The following MCM8 variants were observed in gnomAD, a reference collection of about 807,000 sequenced individuals.
MCM8 encodes minichromosome maintenance 8 homologous recombination repair factor.
A neutral mutation model predicts 98.9 loss-of-function variants in MCM8; 85 were observed. That is an observed-to-expected ratio of 0.86 (90% CI 0.72 to 1.03). The LOEUF is 1.03. MCM8 is among the 50% of genes least tolerant of loss of function. The pLI is 0.00. For missense variants in MCM8, 951 were observed against 997.8 expected, an observed-to-expected ratio of 0.95 and a Z score of 0.63; for synonymous variants, 352 against 338.6, an observed-to-expected ratio of 1.04 and a Z score of -0.44.
At chr20:5,974,667 C>T (rs1745576875) in intron 12 of MCM8, among the ~76,000 whole-genome samples, 1 of 152,190 alleles carries the variant, frequency 6.6e-6, no homozygotes, top group African/African-American at 2.4e-5. Context: ...ATGTGTACAA[C>T]AGTCCACAGA....
In MCM8 at chr20:5,967,930, G is replaced by T; in HGVS notation, c.1128G>T (p.Gly376=). The T allele has an allele frequency of 1.2e-6, 2 of 1,614,118 alleles. No homozygotes were observed. The highest frequency in any genetic ancestry group is 1.3e-5 in the African/African-American group (1 of 75,064). Residue 376 remains glycine (G), a synonymous_variant, in exon 10 of 19, where the codon GGG becomes GGT. Transcript: ENST00000610722. ...AGAAAACAAAGAGTTCTGAGGATGG[G>T]TGTAAGCATGGAATGTTGATGGAGT... is the stretch of plus-strand genomic sequence containing the variant. ...KGQKTKSSED[G]CKHGMLMEFS...
intron 17 of MCM8, among the ~76,000 whole-genome samples, chr20:5,989,705 C>A (rs1038147608): frequency 5.3e-5 from 8 of 152,188 alleles, no homozygotes; most frequent in African/African-American, 1.4e-4. Flanking sequence ...TCCCTGGAGG[C>A]TGCTGTCTTC....
intron 10 of MCM8, among the ~76,000 whole-genome samples, chr20:5,970,155 A>G (rs2089372058): frequency 6.6e-6 from 1 of 152,196 alleles, no homozygotes; most frequent in African/African-American, 2.4e-5. Flanking sequence ...TACTTACATT[A>G]CTGTTCACAG....
intron 8 of MCM8, among the ~76,000 whole-genome samples, chr20:5,966,683 C>G (rs2089281817): frequency 1.3e-5 from 2 of 152,168 alleles, no homozygotes; most frequent in African/African-American, 4.8e-5. Flanking sequence ...GACTTTACCT[C>G]TAAATACAAA....
In MCM8 at chr20:5,968,029, T is replaced by C; in HGVS notation, c.1223+4T>C. The C allele has an allele frequency of 1.3e-6, 2 of 1,594,754 alleles. No homozygotes were observed. Among genetic ancestry groups the C allele is most frequent in the South Asian group, 1.1e-5 (1 of 87,874 alleles). ...ACCTGTTTAAACTCATTGTCAAGTATGTATGCTGTCATTTGAAATTTTATT... is the reference window on the plus strand; with the variant it reads ...ACCTGTTTAAACTCATTGTCAAGTACGTATGCTGTCATTTGAAATTTTATT... On this transcript the variant is annotated splice_donor_region_variant and intron_variant, in intron 10 of 18. Coordinates refer to ENST00000610722, the MANE Select transcript of MCM8 (RefSeq NM_032485.6).
At chr20:5,958,485 A>G (rs766785156) in intron 6 of MCM8, 43 bp from the exon 7 acceptor site, 17 of 1,523,670 alleles carry the variant, frequency 1.1e-5, no homozygotes, top group Admixed American at 9.1e-5. Flanking sequence ...GAAAATATAA[A>G]AAACATCAAT....
chr20:5,987,895 G>A (rs1338578278), intron 17 of MCM8, among the ~76,000 whole-genome samples: 1 of 152,102 alleles, frequency 6.6e-6, no homozygotes, highest in African/African-American at 2.4e-5. Flanking sequence ...GTGCACCTAC[G>A]TGATAAATTC....
chr20:5,991,061 C>G (rs1296513378), intron 17 of MCM8: 2 of 152,246 alleles, frequency 1.3e-5, no homozygotes, highest in African/African-American at 2.4e-5. Context: ...CTCCTTTTCT[C>G]TCTTAACCTG....
chr20:5,990,421 A>G (rs890630572), intron 17 of MCM8, among the ~76,000 whole-genome samples: 25 of 152,166 alleles, frequency 1.6e-4, no homozygotes, highest in African/African-American at 2.4e-5. Flanking sequence ...TATGTGATTC[A>G]GTACTAGGGT....
chr20:5,952,579 T>C (rs758131887), intron 3 of MCM8, 51 bp downstream of exon 3: 1 of 1,414,704 alleles, frequency 7.1e-7, no homozygotes, highest in South Asian at 1.2e-5. Context: ...TTTCTTAACT[T>C]GTCTTTGGAT....
intron 16 of MCM8, among the ~76,000 whole-genome samples, chr20:5,986,489 T>C (rs1173513817): frequency 2.0e-5 from 3 of 152,340 alleles, no homozygotes; most frequent in East Asian, 1.9e-4. Flanking sequence ...TTGAGTATTT[T>C]ATTTTTTTAC....
chr20:5,966,462 G>A (rs1600262081), intron 8 of MCM8, among the ~76,000 whole-genome samples: 1 of 151,726 alleles, frequency 6.6e-6, no homozygotes, highest in Non-Finnish European at 1.5e-5. Flanking sequence ...TCTTGATTTT[G>A]TACTTGTTTC....
intron 13 of MCM8, among the ~76,000 whole-genome samples, chr20:5,981,655 T>C (rs566865701): frequency 8.2e-4 from 125 of 152,324 alleles, no homozygotes; most frequent in Non-Finnish European, 1.8e-4. Context: ...GCAGCCGTTA[T>C]TATACATGAG....
In MCM8 at chr20:5,962,666, G is replaced by A. The variant is rs543180763; in HGVS notation, c.790-608G>A. On this transcript the variant is annotated intron_variant, in intron 7 of 18. Transcript: ENST00000610722. ...TGGGATTACAGGCGTGAGCCACCGC[G>A]CCCGGCCTTCATTTCTTAATGGAGG... 1.2e-4 allele frequency among the ~76,000 whole-genome samples: 8 copies of A among 68,570 alleles called. 2 individuals carry two copies. The East Asian group carries it at 3.4e-3, about 29-fold the overall frequency. 45.0% of individuals were successfully genotyped at this position (68,570 alleles called of 152,430 possible). A position where few individuals can be genotyped will look rare whatever the true frequency, so the allele number is the denominator to read the frequency against.
At chr20:5,959,315 T>A (rs2122675928) in intron 7 of MCM8, among the ~76,000 whole-genome samples, 1 of 152,360 alleles carries the variant, frequency 6.6e-6, no homozygotes, top group South Asian at 2.1e-4. Flanking sequence ...GTTCTCAGTT[T>A]TATTCCCTTT....
intron 4 of MCM8, among the ~76,000 whole-genome samples, 194 bp downstream of exon 4, chr20:5,954,884 T>C (rs1056856830): frequency 5.3e-5 from 8 of 152,334 alleles, no homozygotes; most frequent in African/African-American, 1.9e-4. Flanking sequence ...GAGATAGAGG[T>C]ATAAATACCT....
intron 8 of MCM8, among the ~76,000 whole-genome samples, chr20:5,964,119 CTTTT>C (rs11478703): frequency 1.7e-4 from 21 of 123,994 alleles, no homozygotes; most frequent in African/African-American, 4.1e-4. Flanking sequence ...TTTTTAATAG[CTTTT>C]TTTTTTTTTT....
chr20:5,958,584 G>C lies in MCM8; in HGVS notation c.647G>C (p.Gly216Ala). The C allele has an allele frequency of 1.2e-6, 2 of 1,614,080 alleles. No individual in the cohort carries two copies. The highest frequency in any genetic ancestry group is 1.7e-6 in the Non-Finnish European group (2 of 1,180,000). ...AAGAATGTCAGAGCAAATTACTATG[G>C]AAAATACATTGCTCTAAGAGGGACA... ...QLKNVRANYY[G>A]KYIALRGTVV... The change falls in exon 7 of 19, where the codon GGA (glycine) becomes GCA (alanine). Residue 216 changes from glycine (G) to alanine (A), a missense_variant. Transcript: ENST00000610722.
At chr20:5,955,927 C>T (rs913390403) in intron 5 of MCM8, among the ~76,000 whole-genome samples, 1 of 152,006 alleles carries the variant, frequency 6.6e-6, no homozygotes, top group Non-Finnish European at 1.5e-5. Flanking sequence ...CACCACCATG[C>T]CCAGCTAAGT....
Sources: gnomAD v4.1 joint callset for allele counts (sites outside exome capture counted in the v4.1 genomes callset) on GRCh38, gnomAD v4.1.1 for gene constraint, MANE v1.5 for transcripts, NCBI Gene and HGNC (gene_info 2026-07-23, HGNC 2026-07-21) for gene names.